ARGFX: variants seen among roughly 807,000 people sequenced by gnomAD.
ARGFX encodes the protein arginine-fifty homeobox.
Under a neutral mutation model 8.0 loss-of-function variants are expected in ARGFX, and 10 were observed. The ratio of observed to expected loss-of-function variants is 1.25; its 90% CI spans 0.77 to 2.12. The LOEUF is 2.12. Among genes scored for constraint, ARGFX ranks in the 30% most tolerant of loss-of-function variants. ARGFX has a pLI of 0.00. For synonymous variants in ARGFX, 116 were observed against 117.8 expected (o/e 0.98, Z 0.10); for missense variants, 282 against 324.3 (o/e 0.87, Z 1.00).
At chr3:121,574,688 T>G (rs1235348387) in intron 2 of ARGFX, among the ~76,000 whole-genome samples, 1 of 152,200 alleles carries the variant, frequency 6.6e-6, no homozygotes, top group Non-Finnish European at 1.5e-5. Flanking sequence ...CCTCCTGCTG[T>G]GCGGACCAGT....
At chr3:121,569,210 T>TGAA (rs2108833052) in intron 1 of ARGFX, among the ~76,000 whole-genome samples, 1 of 152,282 alleles carries the variant, frequency 6.6e-6, no homozygotes, top group East Asian at 1.9e-4. Context: ...ATTACTCTAT[T>TGAA]GAAGTGTAAG....
At position 121,570,741 on chromosome 3, in the gene ARGFX, C is replaced by G; in HGVS notation, c.28C>G (p.Pro10Ala). 6.2e-7 allele frequency: 1 copy of G among 1,610,740 alleles called. No homozygotes were observed. The highest frequency in any genetic ancestry group is 8.5e-7 in the Non-Finnish European group (1 of 1,178,610). The change falls in exon 2 of 5, where the codon CCC becomes GCC. Residue 10 changes from proline (P) to alanine (A), a missense_variant. Pro to Ala is a conservative substitution (Grantham distance 27). Coordinates refer to ENST00000334384, the MANE Select transcript of ARGFX (RefSeq NM_001012659.2). ...GAGGAACAGAATGGCCCCAGAGAAT[C>G]CCCAGCCAGACCCTTTCATCAATAG... MRNRMAPEN[P>A]QPDPFINRNY...
At chr3:121,577,255 ATATATT>A (rs1438719616) in intron 3 of ARGFX, among the ~76,000 whole-genome samples, 198 of 56,064 alleles carry the variant, frequency 3.5e-3, no homozygotes, top group Non-Finnish European at 4.2e-3. Flanking sequence ...ATATATATAT[ATATATT>A]TTTTTTTTTT....
At chr3:121,584,366 C>T (rs566902566) in intron 3 of ARGFX, among the ~76,000 whole-genome samples, 1 of 152,074 alleles carries the variant, frequency 6.6e-6, no homozygotes, top group African/African-American at 2.4e-5. Flanking sequence ...GAGAGGAAAC[C>T]CATTTAGAAG....
Position 121,589,336 on chromosome 3 carries a change from TACA to T in ARGFX, c.*2737_*2739del, listed in dbSNP as rs2048832458. On this transcript the variant is annotated 3_prime_UTR_variant, in exon 5 of 5. Transcript: ENST00000334384. ...TATACATATTTTTTAAAAGTAGCTT[TACA>T]TAGGAAGGAAGTGGCATAGTTTTAT... 6.6e-6 allele frequency among the ~76,000 whole-genome samples: 1 copy of T among 152,200 alleles called. No homozygotes were observed. The highest frequency in any genetic ancestry group is 6.5e-5 in the Admixed American group (1 of 15,280).
chr3:121,577,204 T>TATATATATATATCTACATGTACATAC (rs2048743878), intron 3 of ARGFX, among the ~76,000 whole-genome samples: 1 of 75,190 alleles, frequency 1.3e-5, no homozygotes, highest in Non-Finnish European at 2.9e-5. Context: ...TGTGTATGTA[T>TATATATATATATCTACATGTACATAC]ATATATATAT....
intron 2 of ARGFX, among the ~76,000 whole-genome samples, chr3:121,571,812 G>A (rs952351577): frequency 7.1e-6 from 1 of 140,348 alleles, no homozygotes; most frequent in Non-Finnish European, 1.5e-5. Flanking sequence ...TCAAACTCCT[G>A]ACCTTTAGGG....
At position 121,570,834 on chromosome 3, in the gene ARGFX, T is replaced by G; in HGVS notation, c.103+18T>G. On this transcript the variant is annotated intron_variant, in intron 2 of 4. Coordinates refer to ENST00000334384, the MANE Select transcript of ARGFX (RefSeq NM_001012659.2). ...TAGTCCCAGTGAGTATCATCCTTCT[T>G]TGTCCTCTTTCCTTTTCTACTGCCC... 6.5e-7 allele frequency: 1 copy of G among 1,536,448 alleles called. No individual in the cohort carries two copies. Among genetic ancestry groups the G allele is most frequent in the Non-Finnish European group, 8.8e-7 (1 of 1,134,422 alleles).
rs761642955 is a variant in ARGFX, at chr3:121,570,763, A to G, written c.50A>G (p.Asn17Ser). The G allele has an allele frequency of 1.3e-5, 21 of 1,610,228 alleles. No individual in the cohort carries two copies. The highest frequency in any genetic ancestry group is 5.4e-5 in the African/African-American group (4 of 74,748). The change falls in exon 2 of 5, where the codon AAT (asparagine) becomes AGT (serine). Residue 17 changes from asparagine (N) to serine (S), a missense_variant. Asn to Ser is a conservative substitution (Grantham distance 46). Coordinates refer to ENST00000334384, the MANE Select transcript of ARGFX (RefSeq NM_001012659.2). ...PENPQPDPFI[N>S]RNYSNMKVIP... ...AATCCCCAGCCAGACCCTTTCATCA[A>G]TAGGAATTATTCCAACATGAAGGTG...
Position 121,586,010 on chromosome 3 carries a change from C to T in ARGFX, c.370-12C>T. 1.9e-6 allele frequency: 3 copies of T among 1,555,562 alleles called. No homozygotes were observed. Among genetic ancestry groups the T allele is most frequent in the East Asian group, 2.2e-5 (1 of 44,572 alleles). ...AACAGACCACAATCTCCCCCTCTTC[C>T]CCTACTCCCAGGTTTGGTTCAGGAA... is the stretch of plus-strand genomic sequence containing the variant. On this transcript the variant is annotated splice_polypyrimidine_tract_variant and intron_variant, in intron 4 of 4. Transcript: ENST00000334384.
intron 3 of ARGFX, among the ~76,000 whole-genome samples, chr3:121,582,133 TA>T: frequency 6.6e-6 from 1 of 152,306 alleles, no homozygotes; most frequent in South Asian, 2.1e-4. Flanking sequence ...TTGTTATTTT[TA>T]AACAATTTAC....
intron 3 of ARGFX, among the ~76,000 whole-genome samples, chr3:121,578,120 C>CTTTTT (rs35072728): frequency 1.8e-5 from 2 of 113,098 alleles, no homozygotes; most frequent in Admixed American, 9.7e-5. Context: ...CCCTACCCCA[C>CTTTTT]TTTTTTTTTT....
chr3:121,570,547 TA>T (rs2048701358), intron 1 of ARGFX, among the ~76,000 whole-genome samples, 154 bp from the exon 2 acceptor site: 1 of 152,254 alleles, frequency 6.6e-6, no homozygotes, highest in Non-Finnish European at 1.5e-5. Context: ...CTCTATGGTA[TA>T]AAATATGAAT....
At chr3:121,568,294 T>A (rs2048685519) in intron 1 of ARGFX, among the ~76,000 whole-genome samples, 1 of 152,316 alleles carries the variant, frequency 6.6e-6, no homozygotes, top group African/African-American at 2.4e-5. Context: ...GCCAGGCCTT[T>A]GGAAATCCTT....
In ARGFX at chr3:121,584,963, G is replaced by A. The variant is rs751620840; in HGVS notation, c.267G>A (p.Gln89=). Residue 89 remains glutamine (Q), a synonymous_variant, in exon 4 of 5, where the codon CAG becomes CAA. Transcript: ENST00000334384. ...HKERTSFTHQ[Q]YEELEALFSQ... Reference sequence around the variant, plus strand: ...AACGTACTTCTTTCACCCACCAACAGTATGAGGAGCTAGAAGCTCTGTTTA... The same window carrying A: ...AACGTACTTCTTTCACCCACCAACAATATGAGGAGCTAGAAGCTCTGTTTA... The A allele has an allele frequency of 1.9e-5, 30 of 1,613,954 alleles. No individual in the cohort carries two copies. The highest frequency in any genetic ancestry group is 2.3e-5 in the Non-Finnish European group (27 of 1,179,994).
chr3:121,583,229 C>T lies in ARGFX; in HGVS notation c.221-1688C>T, dbSNP rs191681701. 8.9e-4 allele frequency among the ~76,000 whole-genome samples: 131 copies of T among 147,052 alleles called. 1 individual carries two copies. The highest frequency in any genetic ancestry group is 2.1e-3 in the Admixed American group (31 of 14,634). ...AGTTTTAGTGGAGACAGGGTTTTGC[C>T]GTGTTGGCCAGGCTGGTCTCAAACT... On this transcript the variant is annotated intron_variant, in intron 3 of 4. Coordinates refer to ENST00000334384, the MANE Select transcript of ARGFX (RefSeq NM_001012659.2).
In ARGFX at chr3:121,588,488, T is replaced by A. The variant is rs535454449; in HGVS notation, c.*1888T>A. ...GCAAGACTCTGTCTCAAAAAAAAAATAAAAAATAAAAAATAAAAAATAAAA... is the reference window on the plus strand; with the variant it reads ...GCAAGACTCTGTCTCAAAAAAAAAAAAAAAAATAAAAAATAAAAAATAAAA... On this transcript the variant is annotated 3_prime_UTR_variant, in exon 5 of 5. Transcript: ENST00000334384. Among the ~76,000 whole-genome samples the A allele has an allele frequency of 9.8e-3, 1,317 of 134,034 alleles. 20 individuals carry two copies. Among genetic ancestry groups the A allele is most frequent in the African/African-American group, 0.037 (1,212 of 32,648 alleles). 87.9% of individuals were successfully genotyped at this position (134,034 alleles called of 152,430 possible).
chr3:121,573,682 C>T (rs71329225), intron 2 of ARGFX, among the ~76,000 whole-genome samples: 1 of 151,486 alleles, frequency 6.6e-6, no homozygotes, highest in East Asian at 1.9e-4. Context: ...AACCCTGTCT[C>T]TACTAAAAAT....
intron 3 of ARGFX, among the ~76,000 whole-genome samples, chr3:121,577,172 GTGTGT>G (rs1378301733): frequency 2.4e-5 from 3 of 123,434 alleles, no homozygotes; most frequent in Non-Finnish European, 5.4e-5. Flanking sequence ...ATAAAGAAAA[GTGTGT>G]TGTGTATATA....
Sources: gnomAD v4.1 joint callset for allele counts (sites outside exome capture counted in the v4.1 genomes callset) on GRCh38, gnomAD v4.1.1 for gene constraint, MANE v1.5 for transcripts, NCBI Gene and HGNC (gene_info 2026-07-23, HGNC 2026-07-21) for gene names.